The following SCRG1 variants were observed in gnomAD, a reference collection of about 807,000 sequenced individuals.
SCRG1 encodes stimulator of chondrogenesis 1, also known as scrapie-responsive protein 1.
A neutral mutation model predicts 7.7 loss-of-function variants in SCRG1; 3 were observed. The observed-to-expected ratio is 0.39, with a 90% CI of 0.18 to 1.01. The LOEUF is 1.01. Among genes scored for constraint, SCRG1 ranks in the 50% least tolerant of loss-of-function variants. The probability of loss-of-function intolerance (pLI) is 0.36; values close to 1 mark genes in which losing one functional copy is unlikely to be tolerated. For missense variants in SCRG1, 110 were observed against 117.2 expected, an observed-to-expected ratio of 0.94 and a Z score of 0.28; for synonymous variants, 46 against 41.2, an observed-to-expected ratio of 1.12 and a Z score of -0.44.
chr4:173,482,155 T>C, the SCRG1 span, among the ~76,000 whole-genome samples: 1 of 152,186 alleles, frequency 6.6e-6, no homozygotes, highest in Admixed American at 6.5e-5. Flanking sequence ...ATAATGGAAA[T>C]GGCATGGGAC....
chr4:173,408,023 G>A (rs1428641014), upstream of SCRG1, among the ~76,000 whole-genome samples: 1 of 152,074 alleles, frequency 6.6e-6, no homozygotes. Flanking sequence ...ATACAACACA[G>A]TATTAGATAA....
the SCRG1 span, among the ~76,000 whole-genome samples, chr4:173,484,182 T>C: frequency 0.011 from 809 of 76,902 alleles, 19 homozygotes; most frequent in African/African-American, 0.043. Context: ...ATATATAATA[T>C]ATTTTCTATA....
chr4:173,390,110 C>G (rs1739382501), intron 2 of SCRG1, among the ~76,000 whole-genome samples: 2 of 152,140 alleles, frequency 1.3e-5, no homozygotes, highest in Admixed American at 1.3e-4. Flanking sequence ...ATGGCACGAT[C>G]TAGGCTCACT....
the SCRG1 span, among the ~76,000 whole-genome samples, chr4:173,503,757 C>T: frequency 6.6e-6 from 1 of 152,174 alleles, no homozygotes. This position sits in a 1 kb window ranked among gnomAD's most constrained non-coding sequence, Gnocchi z 6.4. Context: ...GCACTTGCCA[C>T]TCAGCCTCTG....
At chr4:173,456,066 T>C in the SCRG1 span, among the ~76,000 whole-genome samples, 1 of 152,176 alleles carries the variant, frequency 6.6e-6, no homozygotes, top group African/African-American at 2.4e-5. Flanking sequence ...ATGGAACAGG[T>C]GGCTTAGGAG....
the SCRG1 span, among the ~76,000 whole-genome samples, chr4:173,436,095 A>G: frequency 1.6e-5 from 1 of 61,258 alleles, no homozygotes; most frequent in Admixed American, 1.9e-4. Flanking sequence ...TAAAAGGATG[A>G]AAAAAACTCC....
the SCRG1 span, among the ~76,000 whole-genome samples, chr4:173,437,994 T>C: frequency 1.3e-5 from 2 of 152,238 alleles, no homozygotes; most frequent in Non-Finnish European, 2.9e-5. Context: ...GTAGCTTTGC[T>C]ATGGACACTA....
chr4:173,483,761 A>ATATATAT, the SCRG1 span, among the ~76,000 whole-genome samples: 4 of 44,572 alleles, frequency 9.0e-5, 2 homozygotes, highest in East Asian at 3.1e-3. Flanking sequence ...GTGATATATC[A>ATATATAT]TATATATGAT....
At chr4:173,415,334 G>A in the SCRG1 span, among the ~76,000 whole-genome samples, 1 of 152,334 alleles carries the variant, frequency 6.6e-6, no homozygotes, top group Admixed American at 6.5e-5. Flanking sequence ...AACTAGAACA[G>A]AGATGCATTG....
chr4:173,440,778 G>A, the SCRG1 span, among the ~76,000 whole-genome samples: 1 of 152,166 alleles, frequency 6.6e-6, no homozygotes, highest in African/African-American at 2.4e-5. Flanking sequence ...CTCTAAGGAA[G>A]CATCCTTCCT....
intron 2 of SCRG1, among the ~76,000 whole-genome samples, chr4:173,389,165 G>C (rs962102396): frequency 1.3e-5 from 2 of 152,146 alleles, no homozygotes; most frequent in Admixed American, 6.5e-5. Flanking sequence ...TCAAGTTCTT[G>C]GCATCATTGT....
Position 173,384,950 on chromosome 4 carries a change from G to A in SCRG1, c.*3391C>T, listed in dbSNP as rs1739207013. On this transcript the variant is annotated 3_prime_UTR_variant, in exon 3 of 3. Coordinates refer to ENST00000296506, the MANE Select transcript of SCRG1 (RefSeq NM_007281.4). ...AGGAAATAATGCATTAGGTAATGCT[G>A]TTAAACAACATAGTGGTTAAGACTC... 1 of 152,164 alleles carries A rather than the reference G, an allele frequency of 6.6e-6. No individual in the cohort carries two copies. Among genetic ancestry groups the A allele is most frequent in the South Asian group, 2.1e-4 (1 of 4,832 alleles). The allele number at this position is 152,164 out of a possible 1,614,324, so 9.4% of individuals were successfully genotyped here.
the SCRG1 span, among the ~76,000 whole-genome samples, chr4:173,484,653 T>C: frequency 1.0e-5 from 1 of 96,248 alleles, no homozygotes; most frequent in Non-Finnish European, 1.8e-5. Flanking sequence ...TAATATATAT[T>C]ATATATTATA....
the SCRG1 span, among the ~76,000 whole-genome samples, chr4:173,499,746 C>T: frequency 6.6e-6 from 1 of 152,092 alleles, no homozygotes; most frequent in East Asian, 1.9e-4. This position sits in a 1 kb window ranked among gnomAD's most constrained non-coding sequence, Gnocchi z 4.1. Flanking sequence ...CTCACGTGAA[C>T]GCAAGACGCC....
chr4:173,408,405 T>C (rs1462713138), upstream of SCRG1, among the ~76,000 whole-genome samples: 1 of 152,222 alleles, frequency 6.6e-6, no homozygotes, highest in Non-Finnish European at 1.5e-5. Context: ...TGTTACTACC[T>C]TACAGAATTT....
At chr4:173,416,787 G>A in the SCRG1 span, among the ~76,000 whole-genome samples, 1 of 152,022 alleles carries the variant, frequency 6.6e-6, no homozygotes, top group Non-Finnish European at 1.5e-5. Flanking sequence ...CATTTCCTCA[G>A]AGTGATGGTT....
At chr4:173,419,262 G>A in the SCRG1 span, 11 of 545,876 alleles carry the variant, frequency 2.0e-5, no homozygotes, top group African/African-American at 9.6e-5. Context: ...TCGGCAGCCC[G>A]CTCCTGAGCT....
At chr4:173,414,394 A>G in the SCRG1 span, among the ~76,000 whole-genome samples, 4 of 152,200 alleles carry the variant, frequency 2.6e-5, no homozygotes, top group Non-Finnish European at 5.9e-5. Context: ...AACAAGTTGC[A>G]TCTCACACTC....
the SCRG1 span, among the ~76,000 whole-genome samples, chr4:173,502,315 G>T: frequency 1.3e-5 from 2 of 152,180 alleles, no homozygotes; most frequent in Admixed American, 1.3e-4. The surrounding 1 kb of genome is among the most constrained non-coding windows in gnomAD (Gnocchi z 4.6). Flanking sequence ...AACCAGGCAG[G>T]TGGGGGTAGT....
Sources: allele counts gnomAD v4.1 joint callset (sites outside exome capture counted in the v4.1 genomes callset), GRCh38; gene constraint gnomAD v4.1.1; non-coding constraint Gnocchi (gnomAD v3.1); transcripts MANE v1.5; gene names NCBI Gene and HGNC (gene_info 2026-07-23, HGNC 2026-07-21).